Variants in CNTNAP3B observed in about 807,000 individuals in gnomAD.
The protein encoded by CNTNAP3B is contactin-associated protein-like 3B.
CNTNAP3B carries 25 observed loss-of-function variants against 108.9 expected under a neutral mutation model. That is an observed-to-expected ratio of 0.23 (90% CI 0.17 to 0.32). The LOEUF (loss-of-function observed/expected upper bound fraction) is 0.32. Ranked by LOEUF, CNTNAP3B falls within the 10% of genes least tolerant of loss-of-function variation. The pLI is 1.00. For missense variants in CNTNAP3B, 252 were observed against 1,210.4 expected, an observed-to-expected ratio of 0.21 and a Z score of 11.75; for synonymous variants, 103 against 473.4, an observed-to-expected ratio of 0.22 and a Z score of 10.16.
intron 3 of CNTNAP3B, among the ~76,000 whole-genome samples, chr9:42,068,091 A>T (rs1827312635): frequency 7.5e-6 from 1 of 133,650 alleles, no homozygotes; most frequent in Non-Finnish European, 1.6e-5. Flanking sequence ...AGACCAGCAC[A>T]CTTCTCTGAT....
At chr9:41,935,493 A>C (rs1178303370) in intron 14 of CNTNAP3B, among the ~76,000 whole-genome samples, 1 of 152,294 alleles carries the variant, frequency 6.6e-6, no homozygotes, top group African/African-American at 2.4e-5. Context: ...TTATGTCTAC[A>C]CCTTAATCTA....
At chr9:41,917,925 A>T (rs1472670187) in intron 18 of CNTNAP3B, among the ~76,000 whole-genome samples, 47 of 151,862 alleles carry the variant, frequency 3.1e-4, no homozygotes, top group African/African-American at 1.1e-3. Context: ...GGGGAGGTGC[A>T]GGGAGAGGGT....
rs542662277 is a variant in CNTNAP3B at position 42,112,397 on chromosome 9, C to T, written c.86-7658G>A. On this transcript the variant is annotated intron_variant, in intron 1 of 23. Transcript: ENST00000377561. ...GGAGCCACACAGCAGCCATGTGCGG[C>T]GGCAGATGGGGATGAGAGGGAACAG... Among the ~76,000 whole-genome samples, 32 of 139,180 alleles carry T rather than the reference C, an allele frequency of 2.3e-4. 5 individuals are homozygous for T. The South Asian group carries it at 3.3e-3, about 14-fold the overall frequency. The allele number at this position is 139,180 out of a possible 152,430, so 91.3% of individuals were successfully genotyped here.
intron 2 of CNTNAP3B, among the ~76,000 whole-genome samples, chr9:42,098,015 A>G (rs1827944626): frequency 7.2e-6 from 1 of 138,108 alleles, no homozygotes; most frequent in South Asian, 2.3e-4. Context: ...CAGACAATAC[A>G]CAGAATTTGG....
chr9:42,091,188 T>C (rs910765045), intron 2 of CNTNAP3B, among the ~76,000 whole-genome samples: 1 of 17,966 alleles, frequency 5.6e-5, no homozygotes, highest in African/African-American at 1.5e-4. Flanking sequence ...AGTAAGAGAG[T>C]TGTTTGGATA....
rs1277251100 is a variant in CNTNAP3B, at chr9:42,119,174, AT to A, written c.85+9835del. Reference sequence around the variant, plus strand: ...ATGTGCAAAAATCACAAGCATTCTTATACACCAATAACAGACAAACAGAGAG... The same window carrying A: ...ATGTGCAAAAATCACAAGCATTCTTAACACCAATAACAGACAAACAGAGAG... On this transcript the variant is annotated intron_variant, in intron 1 of 23. Coordinates refer to ENST00000377561, the MANE Select transcript of CNTNAP3B (RefSeq NM_001201380.3). Among the ~76,000 whole-genome samples the A allele has an allele frequency of 4.9e-5, 5 of 101,762 alleles. 1 individual carries two copies. Among genetic ancestry groups the A allele is most frequent in the African/African-American group, 8.3e-5 (2 of 24,166 alleles). The allele number at this position is 101,762 out of a possible 152,430, so 66.8% of individuals were successfully genotyped here. A position where few individuals can be genotyped will look rare whatever the true frequency, so the allele number is the denominator to read the frequency against.
chr9:42,103,439 G>T (rs1828040050), intron 2 of CNTNAP3B, among the ~76,000 whole-genome samples: 1 of 71,430 alleles, frequency 1.4e-5, no homozygotes, highest in Non-Finnish European at 2.7e-5. Context: ...AAAAAAAAAG[G>T]CTGGGCGCGG....
intron 1 of CNTNAP3B, among the ~76,000 whole-genome samples, chr9:42,125,665 G>GTTTT (rs200934708): frequency 5.0e-5 from 6 of 118,974 alleles, no homozygotes; most frequent in Admixed American, 8.5e-5. Flanking sequence ...TACATTTTTT[G>GTTTT]TTTTTTTTTT....
intron 9 of CNTNAP3B, among the ~76,000 whole-genome samples, chr9:41,972,321 A>AT (rs1267252094): frequency 1.2e-5 from 1 of 85,940 alleles, no homozygotes; most frequent in African/African-American, 5.5e-5. Flanking sequence ...GAAGTATAGA[A>AT]TTTGTACTTA....
rs1178964951 is a variant in CNTNAP3B, at chr9:42,114,957, G to C, written c.86-10218C>G. Among the ~76,000 whole-genome samples the C allele has an allele frequency of 1.5e-5, 2 of 135,992 alleles. 1 individual carries two copies. The highest frequency in any genetic ancestry group is 3.1e-5 in the Non-Finnish European group (2 of 64,122). The allele number at this position is 135,992 out of a possible 152,430, so 89.2% of individuals were successfully genotyped here. ...CAATCCCAGCTACTCGGGAGGCTGAGGCAGGAGAATCACTGGAACCCGGGA... is the reference window on the plus strand; with the variant it reads ...CAATCCCAGCTACTCGGGAGGCTGACGCAGGAGAATCACTGGAACCCGGGA... On this transcript the variant is annotated intron_variant, in intron 1 of 23. Coordinates refer to ENST00000377561, the MANE Select transcript of CNTNAP3B (RefSeq NM_001201380.3).
chr9:42,121,952 G>A (rs1332428116), intron 1 of CNTNAP3B, among the ~76,000 whole-genome samples: 1 of 139,978 alleles, frequency 7.1e-6, no homozygotes, highest in Non-Finnish European at 1.5e-5. Context: ...CAAACAGTAT[G>A]AGCATCAGCA....
rs1181614547 is a variant in CNTNAP3B at position 42,098,295 on chromosome 9, T to A, written c.196+6334A>T. Among the ~76,000 whole-genome samples the A allele has an allele frequency of 4.3e-4, 55 of 128,824 alleles. 3 individuals carry two copies. The highest frequency in any genetic ancestry group is 1.0e-3 in the Admixed American group (13 of 12,776). 84.5% of individuals were successfully genotyped at this position (128,824 alleles called of 152,430 possible). A position where few individuals can be genotyped will look rare whatever the true frequency, so the allele number is the denominator to read the frequency against. On this transcript the variant is annotated intron_variant, in intron 2 of 23. Transcript: ENST00000377561. ...TATTCCATGAAAAAGATAACTAGGC[T>A]GGGCGTGGTGGCTCACGCCTGTAAT...
chr9:41,948,264 G>C (rs991846511), intron 13 of CNTNAP3B, among the ~76,000 whole-genome samples: 19 of 149,616 alleles, frequency 1.3e-4, no homozygotes, highest in African/African-American at 4.7e-4. Context: ...ACTAATTTTT[G>C]TATTTTTAGT....
intron 10 of CNTNAP3B, among the ~76,000 whole-genome samples, chr9:41,966,776 G>A (rs1339428167): frequency 1.3e-5 from 2 of 151,712 alleles, no homozygotes; most frequent in Non-Finnish European, 2.9e-5. Context: ...GACCATCCTG[G>A]CTAACACGGT....
chr9:42,076,260 CAAA>C (rs58062908), intron 3 of CNTNAP3B, among the ~76,000 whole-genome samples: 11 of 83,952 alleles, frequency 1.3e-4, no homozygotes, highest in Admixed American at 3.9e-4. Context: ...ACTAAAAATA[CAAA>C]AAAAAAAAAA....
chr9:42,097,497 C>A (rs1356089353), intron 2 of CNTNAP3B, among the ~76,000 whole-genome samples: 1 of 139,822 alleles, frequency 7.2e-6, no homozygotes, highest in Admixed American at 7.1e-5. Context: ...CTCAAAGAAC[C>A]ATTTAGAGTC....
chr9:42,107,723 C>T lies in CNTNAP3B; in HGVS notation c.86-2984G>A, dbSNP rs1385040482. ...GGGCGCGGTGGCTCACACCTGTAATCCCAACACTTTGGGAGACCAAGGCGG... is the reference window on the plus strand; with the variant it reads ...GGGCGCGGTGGCTCACACCTGTAATTCCAACACTTTGGGAGACCAAGGCGG... On this transcript the variant is annotated intron_variant, in intron 1 of 23. Coordinates refer to ENST00000377561, the MANE Select transcript of CNTNAP3B (RefSeq NM_001201380.3). 1.4e-5 allele frequency among the ~76,000 whole-genome samples: 2 copies of T among 138,148 alleles called. 1 individual carries two copies. Among genetic ancestry groups the T allele is most frequent in the African/African-American group, 5.8e-5 (2 of 34,672 alleles). 90.6% of individuals were successfully genotyped at this position (138,148 alleles called of 152,430 possible).
intron 3 of CNTNAP3B, among the ~76,000 whole-genome samples, chr9:42,075,836 CTTATTATTATTA>C (rs201491733): frequency 2.8e-4 from 18 of 63,730 alleles, no homozygotes; most frequent in Admixed American, 8.1e-4. Context: ...GTAATAAATA[CTTATTATTATTA>C]TTATTATTAT....
chr9:41,919,028 T>A (rs1250698659), intron 18 of CNTNAP3B, among the ~76,000 whole-genome samples: 1 of 152,274 alleles, frequency 6.6e-6, no homozygotes, highest in Admixed American at 6.5e-5. Context: ...ACAATTACAT[T>A]TTAGCTCTGA....
Sources: gnomAD v4.1 joint callset for allele counts (sites outside exome capture counted in the v4.1 genomes callset) on GRCh38, gnomAD v4.1.1 for gene constraint, MANE v1.5 for transcripts, NCBI Gene and HGNC (gene_info 2026-07-23, HGNC 2026-07-21) for gene names.